The following RBFOX1 variants were observed in gnomAD, a reference collection of about 807,000 sequenced individuals.
RBFOX1 encodes the protein RNA binding fox-1 homolog 1.
A neutral mutation model predicts 57.7 loss-of-function variants in RBFOX1; 8 were observed. The ratio of observed to expected loss-of-function variants is 0.14; its 90% CI spans 0.08 to 0.25. The LOEUF (loss-of-function observed/expected upper bound fraction) is 0.25, where lower values mean the gene tolerates loss of function less well. Among genes scored for constraint, RBFOX1 ranks in the 10% least tolerant of loss-of-function variants. RBFOX1 has a pLI of 1.00. For missense variants in RBFOX1, 611 were observed against 548.5 expected (o/e 1.11, Z -1.14); for synonymous variants, 326 against 222.4 (o/e 1.47, Z -4.15).
At chr16:5,741,839 T>C (rs1168667137) in intron 3 of RBFOX1, among the ~76,000 whole-genome samples, 3 of 152,222 alleles carry the variant, frequency 2.0e-5, no homozygotes, top group African/African-American at 7.2e-5. Context: ...AAGATTTTCT[T>C]CTTTGTAAAA....
intron 3 of RBFOX1, among the ~76,000 whole-genome samples, chr16:5,777,212 C>T (rs187857313): frequency 6.6e-6 from 1 of 152,070 alleles, no homozygotes; most frequent in Non-Finnish European, 1.5e-5. Context: ...ATTTCCTTGC[C>T]TTTTCCAGCT....
chr16:6,168,202 G>A (rs2096931811), intron 1 of RBFOX1, among the ~76,000 whole-genome samples: 1 of 152,160 alleles, frequency 6.6e-6, no homozygotes. Flanking sequence ...CGTTGCTTAA[G>A]AATAATGCTC....
chr16:5,941,616 G>A (rs1702221922), intron 4 of RBFOX1, among the ~76,000 whole-genome samples: 1 of 152,026 alleles, frequency 6.6e-6, no homozygotes, highest in Admixed American at 6.5e-5. Flanking sequence ...CACATAATAT[G>A]TGCTCAATTA....
intron 1 of RBFOX1, among the ~76,000 whole-genome samples, chr16:5,373,670 T>C (rs1389199557): frequency 1.3e-5 from 2 of 151,960 alleles, no homozygotes; most frequent in African/African-American, 4.8e-5. Flanking sequence ...GGTGGTGCGA[T>C]CTTGGCTCAC....
At chr16:6,732,987 A>G (rs2069064986) in intron 3 of RBFOX1, among the ~76,000 whole-genome samples, 1 of 152,210 alleles carries the variant, frequency 6.6e-6, no homozygotes. Context: ...AGGAATTATA[A>G]TTTCTTTATT....
At position 7,063,440 on chromosome 16, in the gene RBFOX1, CA is replaced by C. The variant is rs529970111; in HGVS notation, c.27+11345del. 3.9e-5 allele frequency among the ~76,000 whole-genome samples: 6 copies of C among 152,272 alleles called. No individual in the cohort carries two copies. The South Asian group carries it at 1.0e-3, about 26-fold the overall frequency. On this transcript the variant is annotated intron_variant, in intron 4 of 15. Transcript: ENST00000550418. ...ACTTCTTCCTTCTCAGAGTACCCTT[CA>C]AAGGCCACTGAGAATGTTTATAACA...
intron 3 of RBFOX1, among the ~76,000 whole-genome samples, chr16:5,704,119 G>C (rs1296097673): frequency 1.3e-5 from 2 of 152,046 alleles, no homozygotes; most frequent in African/African-American, 2.4e-5. Flanking sequence ...AGAAGACTTG[G>C]GGCACATCCA....
chr16:5,565,643 A>C (rs1596300777), intron 2 of RBFOX1, among the ~76,000 whole-genome samples: 1 of 150,552 alleles, frequency 6.6e-6, no homozygotes, highest in African/African-American at 2.5e-5. Flanking sequence ...TAAATAAATA[A>C]ATAAATAAAT....
intron 4 of RBFOX1, among the ~76,000 whole-genome samples, chr16:7,360,141 T>A (rs1182079345): frequency 6.6e-6 from 1 of 152,226 alleles, no homozygotes; most frequent in Non-Finnish European, 1.5e-5. Flanking sequence ...TGGAACTTTA[T>A]CTCATGTATA....
chr16:5,817,276 C>T (rs1297077254), intron 3 of RBFOX1, among the ~76,000 whole-genome samples: 2 of 152,164 alleles, frequency 1.3e-5, no homozygotes, highest in Non-Finnish European at 2.9e-5. Context: ...TAGCTTGGAG[C>T]TTTGAAATCC....
At chr16:6,846,650 C>A (rs1046149564) in intron 3 of RBFOX1, among the ~76,000 whole-genome samples, 7 of 152,160 alleles carry the variant, frequency 4.6e-5, no homozygotes, top group Non-Finnish European at 1.0e-4. Flanking sequence ...AGTTGAGCAT[C>A]TACAGACGTC....
intron 4 of RBFOX1, among the ~76,000 whole-genome samples, chr16:7,380,190 C>T (rs535650375): frequency 7.6e-4 from 116 of 152,216 alleles, no homozygotes; most frequent in Non-Finnish European, 1.5e-3. Flanking sequence ...TTTGGTATGT[C>T]TGAACTATAT....
At chr16:5,257,717 G>C (rs1163533564) in intron 1 of RBFOX1, among the ~76,000 whole-genome samples, 1 of 152,150 alleles carries the variant, frequency 6.6e-6, no homozygotes, top group African/African-American at 2.4e-5. Flanking sequence ...ACTGAGCTGG[G>C]AGAGTCCCCA....
intron 1 of RBFOX1, among the ~76,000 whole-genome samples, chr16:6,041,808 C>A (rs2095439440): frequency 6.6e-6 from 1 of 152,170 alleles, no homozygotes; most frequent in East Asian, 1.9e-4. Flanking sequence ...CTTTGTCCTT[C>A]CTCAGTGTGT....
At chr16:5,820,102 G>A (rs2055790507) in intron 3 of RBFOX1, among the ~76,000 whole-genome samples, 1 of 152,158 alleles carries the variant, frequency 6.6e-6, no homozygotes, top group African/African-American at 2.4e-5. Flanking sequence ...ATGCACTTTT[G>A]CATTAAATAT....
chr16:7,379,212 G>A (rs546219570), intron 4 of RBFOX1, among the ~76,000 whole-genome samples: 1 of 152,296 alleles, frequency 6.6e-6, no homozygotes, highest in South Asian at 2.1e-4. Context: ...AAAAAAAGCT[G>A]AGACTGAATG....
chr16:6,911,303 A>C (rs1449723273), intron 3 of RBFOX1, among the ~76,000 whole-genome samples: 1 of 152,028 alleles, frequency 6.6e-6, no homozygotes, highest in Non-Finnish European at 1.5e-5. Flanking sequence ...AGGCTTCGGC[A>C]ACAGAAATGT....
intron 3 of RBFOX1, among the ~76,000 whole-genome samples, chr16:5,643,333 C>G (rs2048942966): frequency 6.6e-6 from 1 of 152,206 alleles, no homozygotes; most frequent in Non-Finnish European, 1.5e-5. Flanking sequence ...CCCCTGCTCA[C>G]TCCCTCTGGG....
chr16:5,353,549 A>G (rs547025954), intron 1 of RBFOX1, among the ~76,000 whole-genome samples: 36 of 152,204 alleles, frequency 2.4e-4, no homozygotes, highest in African/African-American at 8.2e-4. Flanking sequence ...GTCACAGCCT[A>G]GTAGATTCTG....
Sources: gnomAD v4.1 joint callset for allele counts (sites outside exome capture counted in the v4.1 genomes callset) on GRCh38, gnomAD v4.1.1 for gene constraint, MANE v1.5 for transcripts, NCBI Gene and HGNC (gene_info 2026-07-23, HGNC 2026-07-21) for gene names.